The following DLGAP2 variants were observed in gnomAD, a reference collection of about 807,000 sequenced individuals.
DLGAP2 encodes DLG associated protein 2.
In DLGAP2, 26 loss-of-function variants were observed where a neutral mutation model predicts 100.3. The observed-to-expected ratio is 0.26, with a 90% CI of 0.19 to 0.36. The LOEUF (loss-of-function observed/expected upper bound fraction) is 0.36. Ranked by LOEUF, DLGAP2 falls within the 10% of genes least tolerant of loss-of-function variation. DLGAP2 has a pLI of 1.00. For missense variants in DLGAP2, 1,858 were observed against 1,453.2 expected (o/e 1.28, Z -4.53); for synonymous variants, 886 against 630.1 (o/e 1.41, Z -6.08).
chr8:1,416,325 C>G (rs1366520427), intron 3 of DLGAP2, among the ~76,000 whole-genome samples: 1 of 152,210 alleles, frequency 6.6e-6, no homozygotes, highest in African/African-American at 2.4e-5. Flanking sequence ...CCGTGGTCAG[C>G]CCAGGTGTCC....
At chr8:1,302,167 C>G (rs112547293) in intron 3 of DLGAP2, 2 of 149,706 alleles carry the variant, frequency 1.3e-5, no homozygotes, top group African/African-American at 4.9e-5. Context: ...CTGTGAGTTC[C>G]CGAGCTCTGC....
At chr8:1,227,484 T>TC (rs1379656277) in intron 2 of DLGAP2, among the ~76,000 whole-genome samples, 6 of 151,066 alleles carry the variant, frequency 4.0e-5, no homozygotes, top group African/African-American at 1.2e-4. Flanking sequence ...ACAGTTGAGA[T>TC]TTGCTTCTTT....
At chr8:806,594 C>G (rs112880331) in intron 1 of DLGAP2, among the ~76,000 whole-genome samples, 1 of 152,144 alleles carries the variant, frequency 6.6e-6, no homozygotes, top group African/African-American at 2.4e-5. Context: ...CAGGTGTACC[C>G]GGAACAGGCT....
At chr8:1,191,318 C>T (rs1344898556) in intron 2 of DLGAP2, among the ~76,000 whole-genome samples, 1 of 151,780 alleles carries the variant, frequency 6.6e-6, no homozygotes, top group Non-Finnish European at 1.5e-5. Flanking sequence ...CTACAGGCAC[C>T]CGCCACCACG....
rs187649331 is a variant in DLGAP2 at position 1,055,053 on chromosome 8, G to A, written c.73+147087G>A. Among the ~76,000 whole-genome samples the A allele has an allele frequency of 2.2e-3, 332 of 152,292 alleles. 2 individuals carry two copies. The highest frequency in any genetic ancestry group is 3.6e-3 in the Admixed American group (55 of 15,288). On this transcript the variant is annotated intron_variant, in intron 2 of 14. Coordinates refer to ENST00000637795, the MANE Select transcript of DLGAP2 (RefSeq NM_001346810.2). ...TGGTCAGAAAACAGTTCCATGTTAC[G>A]ACGCACATTTAAGATGTTTATAAGG...
chr8:1,228,838 G>A (rs910321087), intron 2 of DLGAP2, among the ~76,000 whole-genome samples: 7 of 152,122 alleles, frequency 4.6e-5, no homozygotes, highest in African/African-American at 1.7e-4. Flanking sequence ...AATGGTTAAG[G>A]ACTGAAAATT....
intron 2 of DLGAP2, among the ~76,000 whole-genome samples, chr8:1,194,109 C>T (rs1257052254): frequency 6.6e-6 from 1 of 151,990 alleles, no homozygotes; most frequent in African/African-American, 2.4e-5. Flanking sequence ...AGTTTTGACG[C>T]TGTGGAAAAT....
At chr8:1,055,952 A>C (rs778228338) in intron 2 of DLGAP2, among the ~76,000 whole-genome samples, 2 of 152,176 alleles carry the variant, frequency 1.3e-5, no homozygotes, top group Non-Finnish European at 2.9e-5. Context: ...AGTGGGTTGG[A>C]TTGTGGTCAC....
intron 6 of DLGAP2, among the ~76,000 whole-genome samples, chr8:1,625,541 T>G (rs991362270): frequency 5.3e-5 from 8 of 152,244 alleles, no homozygotes; most frequent in African/African-American, 1.4e-4. Flanking sequence ...TTATATTTGC[T>G]GATATTGCAT....
intron 8 of DLGAP2, among the ~76,000 whole-genome samples, chr8:1,653,573 G>T: frequency 6.6e-6 from 1 of 152,230 alleles, no homozygotes; most frequent in Middle Eastern, 3.2e-3. Context: ...CAGGACCAAC[G>T]GCAGCCCTCT....
At chr8:800,931 CT>C (rs1211888050) in intron 1 of DLGAP2, among the ~76,000 whole-genome samples, 1 of 144,532 alleles carries the variant, frequency 6.9e-6, no homozygotes, top group Admixed American at 7.5e-5. Flanking sequence ...TGCTCCTCTC[CT>C]TGGCTTGCTT....
intron 2 of DLGAP2, among the ~76,000 whole-genome samples, chr8:1,081,516 T>C (rs1221741893): frequency 6.6e-6 from 1 of 152,174 alleles, no homozygotes; most frequent in Non-Finnish European, 1.5e-5. Flanking sequence ...CACGCCCAGC[T>C]AAATTTTGTA....
chr8:1,334,853 C>G (rs754516399), intron 3 of DLGAP2, among the ~76,000 whole-genome samples: 1 of 152,168 alleles, frequency 6.6e-6, no homozygotes, highest in African/African-American at 2.4e-5. Context: ...ACACGGCTGT[C>G]TTGCCTCTCT....
chr8:1,522,023 A>G (rs184347183), intron 4 of DLGAP2, among the ~76,000 whole-genome samples: 1,789 of 134,088 alleles, frequency 0.013, 53 homozygotes, highest in African/African-American at 0.049. Flanking sequence ...GGGGCAGGTG[A>G]TTTGGGGCGT....
intron 1 of DLGAP2, among the ~76,000 whole-genome samples, chr8:783,729 A>G (rs1047194354): frequency 1.3e-5 from 2 of 152,136 alleles, no homozygotes; most frequent in African/African-American, 4.8e-5. Context: ...CTCTTATGAA[A>G]GAGGGAAAAG....
intron 12 of DLGAP2, among the ~76,000 whole-genome samples, chr8:1,687,095 A>T (rs899723512): frequency 2.0e-5 from 3 of 152,224 alleles, no homozygotes; most frequent in African/African-American, 7.2e-5. Flanking sequence ...GCCATAGCTT[A>T]GGCAGACCCC....
chr8:1,039,157 C>T (rs981757596), intron 2 of DLGAP2, among the ~76,000 whole-genome samples: 4 of 76,360 alleles, frequency 5.2e-5, no homozygotes, highest in South Asian at 4.1e-4. Flanking sequence ...TGTGGAAATG[C>T]GTGGTCAGCT....
chr8:1,477,809 A>AT (rs1798977600), intron 3 of DLGAP2, among the ~76,000 whole-genome samples: 1 of 151,696 alleles, frequency 6.6e-6, no homozygotes, highest in South Asian at 2.1e-4. Flanking sequence ...GAAAAAAAAA[A>AT]AGGTGCCTAA....
intron 2 of DLGAP2, among the ~76,000 whole-genome samples, chr8:1,162,448 C>G (rs540601162): frequency 6.6e-6 from 1 of 152,100 alleles, no homozygotes; most frequent in Non-Finnish European, 1.5e-5. Context: ...TGTTTCTACT[C>G]GTGGAAGAGA....
Sources: gnomAD v4.1 joint callset for allele counts (sites outside exome capture counted in the v4.1 genomes callset) on GRCh38, gnomAD v4.1.1 for gene constraint, MANE v1.5 for transcripts, NCBI Gene and HGNC (gene_info 2026-07-23, HGNC 2026-07-21) for gene names.